The following RNF170 variants were observed in gnomAD, a reference collection of about 807,000 sequenced individuals.
RNF170 encodes the protein E3 ubiquitin-protein ligase RNF170.
Under a neutral mutation model 32.7 loss-of-function variants are expected in RNF170, and 12 were observed. The ratio of observed to expected loss-of-function variants is 0.37; its 90% CI spans 0.24 to 0.60. The LOEUF (loss-of-function observed/expected upper bound fraction) is 0.60, where lower values mean the gene tolerates loss of function less well. Ranked by LOEUF, RNF170 falls within the 20% of genes least tolerant of loss-of-function variation. The pLI is 0.72. For synonymous variants in RNF170, 91 were observed against 103.6 expected, an observed-to-expected ratio of 0.88 and a Z score of 0.74; for missense variants, 212 against 311.2, an observed-to-expected ratio of 0.68 and a Z score of 2.40.
At chr8:42,885,216 TTTCC>T (rs1805723923) in intron 2 of RNF170, among the ~76,000 whole-genome samples, 2 of 152,122 alleles carry the variant, frequency 1.3e-5, no homozygotes, top group South Asian at 4.1e-4. Context: ...AATGGCAGAA[TTTCC>T]TTCCTTCTCA....
chr8:42,863,964 G>GGAGAGA (rs779901675), intron 5 of RNF170, among the ~76,000 whole-genome samples: 2 of 128,316 alleles, frequency 1.6e-5, no homozygotes, highest in Non-Finnish European at 3.3e-5. Context: ...AAAGGCTGAA[G>GGAGAGA]GAGAGAGAGA....
chr8:42,850,950 C>T, downstream of RNF170: 1 of 1,551,670 alleles, frequency 6.4e-7, no homozygotes, highest in Non-Finnish European at 8.7e-7. Flanking sequence ...ATGCAACAGC[C>T]TCTTGATGGG....
chr8:42,870,721 CCT>C (rs1315843389), intron 3 of RNF170, among the ~76,000 whole-genome samples: 1 of 151,992 alleles, frequency 6.6e-6, no homozygotes, highest in Non-Finnish European at 1.5e-5. Flanking sequence ...AGAGCGAGAC[CCT>C]GTCTCAAAAA....
intron 2 of RNF170, among the ~76,000 whole-genome samples, chr8:42,876,519 A>G (rs757396293): frequency 2.6e-5 from 4 of 152,098 alleles, no homozygotes; most frequent in Non-Finnish European, 5.9e-5. Flanking sequence ...ACCACCATCT[A>G]CAAACCATGA....
intron 2 of RNF170, among the ~76,000 whole-genome samples, chr8:42,878,190 A>C (rs575189532): frequency 6.6e-6 from 1 of 152,354 alleles, no homozygotes; most frequent in South Asian, 2.1e-4. Flanking sequence ...CCAACTAATA[A>C]ATAACTCTAT....
intron 2 of RNF170, among the ~76,000 whole-genome samples, chr8:42,886,790 G>C (rs1034284760): frequency 3.3e-5 from 5 of 152,140 alleles, no homozygotes; most frequent in African/African-American, 9.7e-5. Flanking sequence ...TGGGAAGCTG[G>C]GATGGGAGGA....
chr8:42,894,353 T>A (rs1419458875), intron 1 of RNF170, among the ~76,000 whole-genome samples: 1 of 152,188 alleles, frequency 6.6e-6, no homozygotes, highest in Non-Finnish European at 1.5e-5. Flanking sequence ...CAGCATCTTA[T>A]CTGCCCATCT....
downstream of RNF170, among the ~76,000 whole-genome samples, chr8:42,852,710 C>T (rs1015921072): frequency 6.6e-6 from 1 of 152,174 alleles, no homozygotes; most frequent in Non-Finnish European, 1.5e-5. Flanking sequence ...CCACTGCGTC[C>T]AGCAGAATTT....
rs764459425 is a variant in RNF170, at chr8:42,887,840, G to A, written c.25C>T (p.Gln9Ter). ...GAATCATCATCCAGTTTCAAACTTT[G>A]AACTTCACCTTGATATTTGGCCATT... MAKYQGEV[Q>*]SLKLDDDSVI... The change falls in exon 2 of 7, where the codon CAA becomes TAA. Residue 9 changes from glutamine (Q) to a stop codon, truncating the protein, a stop_gained. Transcript: ENST00000527424. LOFTEE classifies it high-confidence loss of function. 2 of 1,613,844 alleles carry A rather than the reference G, an allele frequency of 1.2e-6. No homozygotes were observed. Among genetic ancestry groups the A allele is most frequent in the Non-Finnish European group, 1.7e-6 (2 of 1,179,792 alleles).
chr8:42,865,356 A>C, intron 5 of RNF170, 60 bp downstream of exon 5: 1 of 1,335,940 alleles, frequency 7.5e-7, no homozygotes, highest in South Asian at 1.2e-5. Context: ...AGATACAAAA[A>C]CTATAAAAAT....
chr8:42,887,853 A>G lies in RNF170; in HGVS notation c.12T>C (p.Tyr4=), dbSNP rs747826332. 4.3e-6 allele frequency: 7 copies of G among 1,613,860 alleles called. No homozygotes were observed. Among genetic ancestry groups the G allele is most frequent in the Non-Finnish European group, 5.9e-6 (7 of 1,179,852 alleles). Residue 4 remains tyrosine, a synonymous_variant, in exon 2 of 7, where the codon TAT becomes TAC. Coordinates refer to ENST00000527424, the MANE Select transcript of RNF170 (RefSeq NM_030954.4). ...GTTTCAAACTTTGAACTTCACCTTGATATTTGGCCATTCCAGGTCTAAAAT... is the reference window on the plus strand; with the variant it reads ...GTTTCAAACTTTGAACTTCACCTTGGTATTTGGCCATTCCAGGTCTAAAAT... The part of the protein sequence containing the change: MAK[Y]QGEVQSLKLD...
Position 42,873,984 on chromosome 8 carries a change from G to A in RNF170, c.160C>T (p.Pro54Ser). Residue 54 changes from proline to serine, a missense_variant, in exon 3 of 7, where the codon CCA (proline) becomes TCA (serine). Pro to Ser is a moderately conservative substitution (Grantham distance 74). Coordinates refer to ENST00000527424, the MANE Select transcript of RNF170 (RefSeq NM_030954.4). ...LFRNVHQNIH[P>S]ENQELVRVLR... ...ACCCTTACTAGCTCCTGGTTTTCTG[G>A]GTGAATGTTTTGATGTACATTTCTG... The A allele has an allele frequency of 6.3e-7, 1 of 1,598,930 alleles. No individual in the cohort carries two copies. Among genetic ancestry groups the A allele is most frequent in the Non-Finnish European group, 8.6e-7 (1 of 1,166,590 alleles).
intron 2 of RNF170, among the ~76,000 whole-genome samples, chr8:42,887,123 T>G (rs1288351567): frequency 6.6e-6 from 1 of 151,922 alleles, no homozygotes; most frequent in Non-Finnish European, 1.5e-5. Context: ...AGAAACCCCA[T>G]CTCTACTAAA....
chr8:42,867,546 C>T (rs1228297652), intron 4 of RNF170, among the ~76,000 whole-genome samples: 2 of 148,346 alleles, frequency 1.3e-5, no homozygotes, highest in African/African-American at 2.5e-5. Flanking sequence ...GAGGCCAAGG[C>T]GGGTGGATCA....
At chr8:42,883,753 A>C (rs1805600482) in intron 2 of RNF170, among the ~76,000 whole-genome samples, 1 of 152,062 alleles carries the variant, frequency 6.6e-6, no homozygotes, top group South Asian at 2.1e-4. Flanking sequence ...AAAAAGTTTA[A>C]CATGATAAAT....
At position 42,856,365 on chromosome 8, in the gene RNF170, C is replaced by G; in HGVS notation, c.571G>C (p.Val191Leu). ...CGAAACATCCAGAAAAGGCCCCCGA[C>G]TGAAAACATTTCCCTGAATGCATGC... is the stretch of plus-strand genomic sequence containing the variant. ...LRHAFREMFS[V>L]GGLFWMFRIR... Residue 191 changes from valine to leucine, a missense_variant, in exon 7 of 7, where the codon GTC becomes CTC. Val to Leu is a conservative substitution (Grantham distance 32, BLOSUM62 1). Around this residue, in one of 2 missense-constraint regions of RNF170, gnomAD observed 97 missense variants for 178.9 expected, o/e 0.54. Transcript: ENST00000527424. The G allele has an allele frequency of 1.3e-6, 2 of 1,598,114 alleles. No individual in the cohort carries two copies. Among genetic ancestry groups the G allele is most frequent in the Admixed American group, 1.8e-5 (1 of 55,070 alleles).
rs1310220531 is a variant in RNF170 at position 42,853,327 on chromosome 8, A to G, written c.*2832T>C. On this transcript the variant is annotated 3_prime_UTR_variant, in exon 7 of 7. Transcript: ENST00000527424. The stretch of plus-strand genomic sequence containing the variant: ...GTTTTAGATATGTTGCTTTTATTCA[A>G]AAGAATAAAATGCTTGACAAACTCT... The G allele has an allele frequency of 8.2e-7, 1 of 1,213,116 alleles. No individual in the cohort carries two copies. Among genetic ancestry groups the G allele is most frequent in the African/African-American group, 1.6e-5 (1 of 63,026 alleles). The allele number at this position is 1,213,116 out of a possible 1,614,324, so 75.1% of individuals were successfully genotyped here.
At chr8:42,873,571 A>T (rs1274800463) in intron 3 of RNF170, among the ~76,000 whole-genome samples, 1 of 152,222 alleles carries the variant, frequency 6.6e-6, no homozygotes, top group Non-Finnish European at 1.5e-5. Context: ...AAAACAAAAC[A>T]GCCACCTCTT....
At chr8:42,895,839 G>A (rs1284915423) in intron 1 of RNF170, among the ~76,000 whole-genome samples, 1 of 152,238 alleles carries the variant, frequency 6.6e-6, no homozygotes, top group Non-Finnish European at 1.5e-5. Context: ...GTAAGGAAAT[G>A]ATCACACTAG....
Sources: gnomAD v4.1 joint callset for allele counts (sites outside exome capture counted in the v4.1 genomes callset) on GRCh38, gnomAD v4.1.1 for gene constraint, gnomAD v4.1.1 regional missense constraint, MANE v1.5 for transcripts, NCBI Gene and HGNC (gene_info 2026-07-23, HGNC 2026-07-21) for gene names.